UBA6: variants seen among roughly 807,000 people sequenced by gnomAD.
UBA6 encodes the protein ubiquitin like modifier activating enzyme 6, also known as ubiquitin-like modifier-activating enzyme 6.
UBA6 carries 87 observed loss-of-function variants against 148.3 expected under a neutral mutation model. That is an observed-to-expected ratio of 0.59 (90% CI 0.49 to 0.70). The LOEUF is 0.70. UBA6 is among the 30% of genes least tolerant of loss of function. The pLI is 0.00. For synonymous variants in UBA6, 376 were observed against 401.0 expected, an observed-to-expected ratio of 0.94 and a Z score of 0.75; for missense variants, 1,186 against 1,241.2, an observed-to-expected ratio of 0.96 and a Z score of 0.67.
In UBA6 at chr4:67,697,284, C is replaced by T. The variant is rs191722637; in HGVS notation, c.72-577G>A. Among the ~76,000 whole-genome samples the T allele has an allele frequency of 1.3e-4, 20 of 152,338 alleles. No individual in the cohort carries two copies. In the East Asian group the frequency reaches 3.5e-3, roughly 26 times the overall value. On this transcript the variant is annotated intron_variant, in intron 1 of 32. Coordinates refer to ENST00000322244, the MANE Select transcript of UBA6 (RefSeq NM_018227.6). The stretch of plus-strand genomic sequence containing the variant: ...CGTCCCAAAGTGCTAGGATTACAGG[C>T]GTGGGCCACTGTGCCCGCCTGTTTG...
At chr4:67,636,246 G>T (rs1301789496) in intron 19 of UBA6, among the ~76,000 whole-genome samples, 1 of 152,164 alleles carries the variant, frequency 6.6e-6, no homozygotes, top group African/African-American at 2.4e-5. Context: ...AAATAAATAT[G>T]CATATCAGTA....
Position 67,694,484 on chromosome 4 carries a change from C to T in UBA6, c.134+2161G>A, listed in dbSNP as rs889174444. On this transcript the variant is annotated intron_variant, in intron 2 of 32. Coordinates refer to ENST00000322244, the MANE Select transcript of UBA6 (RefSeq NM_018227.6). ...TCAGCTCACTGCAAGCTCTGCCTCCCCGGTTCATGCCATTCTCCTGCCTCA... is the reference window on the plus strand; with the variant it reads ...TCAGCTCACTGCAAGCTCTGCCTCCTCGGTTCATGCCATTCTCCTGCCTCA... 2.6e-4 allele frequency among the ~76,000 whole-genome samples: 39 copies of T among 151,700 alleles called. 1 individual carries two copies. Among genetic ancestry groups the T allele is most frequent in the Non-Finnish European group, 4.6e-4 (31 of 67,926 alleles).
chr4:67,630,620 T>C, intron 25 of UBA6, 85 bp from the exon 26 acceptor site: 1 of 844,820 alleles, frequency 1.2e-6, no homozygotes, highest in Non-Finnish European at 1.7e-6. Context: ...AGCCTTTAAA[T>C]GTAGTTTGAA....
intron 13 of UBA6, among the ~76,000 whole-genome samples, chr4:67,659,163 C>T (rs1729776495): frequency 6.6e-6 from 1 of 152,160 alleles, no homozygotes; most frequent in South Asian, 2.1e-4. Flanking sequence ...AAAGGTCTTT[C>T]ATTATGGCTA....
In UBA6 at chr4:67,626,177, G is replaced by A. The variant is rs576157431; in HGVS notation, c.2518+183C>T. On this transcript the variant is annotated intron_variant, in intron 28 of 32. Transcript: ENST00000322244. ...CAATCTTTGAGAGTAGGGCAATAGT[G>A]GGGAAGATGATGAATTTAGTCACAG... Among the ~76,000 whole-genome samples the A allele has an allele frequency of 2.9e-4, 44 of 152,024 alleles. No homozygotes were observed. The South Asian group carries it at 8.9e-3, about 31-fold the overall frequency.
At chr4:67,630,660 G>T (rs1219158594) in intron 25 of UBA6, 125 bp from the exon 26 acceptor site, 15 of 505,618 alleles carry the variant, frequency 3.0e-5, no homozygotes, top group South Asian at 7.8e-5. Context: ...ATTATTTCAA[G>T]TTTTTTTTTT....
intron 4 of UBA6, among the ~76,000 whole-genome samples, chr4:67,679,231 G>A (rs965317135): frequency 1.3e-5 from 2 of 152,082 alleles, no homozygotes; most frequent in Non-Finnish European, 2.9e-5. Flanking sequence ...ACATGTATGT[G>A]TGTATGCATT....
chr4:67,632,587 G>C (rs1208385086), intron 23 of UBA6, among the ~76,000 whole-genome samples: 1 of 152,240 alleles, frequency 6.6e-6, no homozygotes, highest in African/African-American at 2.4e-5. Flanking sequence ...AATCTGAAGA[G>C]TAATGAGCAA....
At chr4:67,668,097 C>A (rs75096498) in intron 9 of UBA6, among the ~76,000 whole-genome samples, 3,450 of 152,286 alleles carry the variant, frequency 0.023, 48 homozygotes, top group Middle Eastern at 0.037. Context: ...ATGTAGAAAT[C>A]TTCACTCACC....
At chr4:67,656,345 C>T (rs141332393) in intron 13 of UBA6, among the ~76,000 whole-genome samples, 383 of 152,324 alleles carry the variant, frequency 2.5e-3, no homozygotes, top group African/African-American at 8.9e-3. Flanking sequence ...ATCAACTCGG[C>T]TTCAGCCCTG....
intron 2 of UBA6, among the ~76,000 whole-genome samples, chr4:67,691,959 C>T (rs1011361842): frequency 6.6e-6 from 1 of 152,012 alleles, no homozygotes; most frequent in East Asian, 1.9e-4. Flanking sequence ...TGAGAAAAAG[C>T]GAAGTCATTA....
chr4:67,655,622 T>G (rs556984211), intron 13 of UBA6, among the ~76,000 whole-genome samples: 1 of 151,870 alleles, frequency 6.6e-6, no homozygotes, highest in African/African-American at 2.4e-5. Flanking sequence ...ACATCACAAT[T>G]AAAAGAACTA....
chr4:67,658,814 G>GA (rs1384676722), intron 13 of UBA6, among the ~76,000 whole-genome samples: 1 of 152,090 alleles, frequency 6.6e-6, no homozygotes, highest in Non-Finnish European at 1.5e-5. Flanking sequence ...TTCTAGAAAA[G>GA]AAAAAATCTA....
intron 32 of UBA6, among the ~76,000 whole-genome samples, chr4:67,620,934 CACTG>C (rs1728736360): frequency 6.6e-6 from 1 of 152,168 alleles, no homozygotes; most frequent in Non-Finnish European, 1.5e-5. Context: ...ATCATAATCC[CACTG>C]ACTGACTTAA....
At chr4:67,643,657 G>C (rs1443546812) in intron 17 of UBA6, among the ~76,000 whole-genome samples, 2 of 151,762 alleles carry the variant, frequency 1.3e-5, no homozygotes, top group Non-Finnish European at 2.9e-5. Context: ...TTGGTTCCTG[G>C]GACCTGGGAA....
At chr4:67,680,949 G>A (rs566935296) in intron 4 of UBA6, among the ~76,000 whole-genome samples, 7 of 152,206 alleles carry the variant, frequency 4.6e-5, no homozygotes, top group East Asian at 3.9e-4. Flanking sequence ...AGAACCACAT[G>A]AGCCAGCTTG....
At chr4:67,686,029 G>T (rs1438538366) in intron 2 of UBA6, among the ~76,000 whole-genome samples, 2 of 152,218 alleles carry the variant, frequency 1.3e-5, no homozygotes, top group Non-Finnish European at 2.9e-5. Flanking sequence ...AGGTAGTAAA[G>T]ATGGGATTAA....
At chr4:67,661,796 TA>T (rs1729864224) in intron 13 of UBA6, 2 of 228,272 alleles carry the variant, frequency 8.8e-6, no homozygotes, top group Non-Finnish European at 1.7e-5. Flanking sequence ...CGAAATGTGA[TA>T]AAGAGATATG....
At chr4:67,698,820 T>C (rs1967036) in intron 1 of UBA6, among the ~76,000 whole-genome samples, 58,457 of 151,728 alleles carry the variant, frequency 0.39, 11,389 homozygotes, top group Middle Eastern at 0.5. Flanking sequence ...ATTAGCCAGA[T>C]GTAGTAGCAG....
Sources: allele counts gnomAD v4.1 joint callset (sites outside exome capture counted in the v4.1 genomes callset), GRCh38; gene constraint gnomAD v4.1.1; transcripts MANE v1.5; gene names NCBI Gene and HGNC (gene_info 2026-07-23, HGNC 2026-07-21).